Variants in CAPN5 observed in about 807,000 individuals in gnomAD.
CAPN5 encodes the protein calpain 5.
A neutral mutation model predicts 73.0 loss-of-function variants in CAPN5; 54 were observed. The ratio of observed to expected loss-of-function variants is 0.74; its 90% CI spans 0.59 to 0.93. CAPN5 has a LOEUF of 0.93. Ranked by LOEUF, CAPN5 falls within the 40% of genes least tolerant of loss-of-function variation. The probability of loss-of-function intolerance (pLI) is 0.00; values close to 1 mark genes in which losing one functional copy is unlikely to be tolerated. For missense variants in CAPN5, 785 were observed against 882.9 expected, an observed-to-expected ratio of 0.89 and a Z score of 1.41; for synonymous variants, 335 against 356.9, an observed-to-expected ratio of 0.94 and a Z score of 0.69.
intron 2 of CAPN5, among the ~76,000 whole-genome samples, chr11:77,089,230 G>A (rs1488933407): frequency 2.6e-5 from 4 of 152,132 alleles, no homozygotes; most frequent in Admixed American, 6.5e-5. Context: ...GGACCATTTC[G>A]GAGGCAGTGT....
chr11:77,101,920 G>A (rs1251870882), intron 3 of CAPN5, among the ~76,000 whole-genome samples: 1 of 152,230 alleles, frequency 6.6e-6, no homozygotes, highest in Admixed American at 6.5e-5. Context: ...GGAGTAAGTG[G>A]TGGGATTTGG....
At chr11:77,077,707 G>A (rs180933302) in intron 1 of CAPN5, among the ~76,000 whole-genome samples, 7 of 152,120 alleles carry the variant, frequency 4.6e-5, no homozygotes, top group African/African-American at 7.2e-5. Context: ...TAGAGATGGG[G>A]TTTCGCCATG....
At chr11:77,112,504 C>T in intron 3 of CAPN5, 85 bp from the exon 4 acceptor site, 1 of 1,065,280 alleles carries the variant, frequency 9.4e-7, no homozygotes, top group Non-Finnish European at 1.4e-6. Context: ...TTCCGATTCG[C>T]TGGAAGCACA....
chr11:77,110,518 T>C (rs782449785), intron 3 of CAPN5, among the ~76,000 whole-genome samples: 2 of 152,250 alleles, frequency 1.3e-5, no homozygotes, highest in African/African-American at 2.4e-5. Context: ...TTCCAGACAG[T>C]GAGGTTGGGA....
At chr11:77,097,480 T>G (rs868971117) in intron 3 of CAPN5, among the ~76,000 whole-genome samples, 1 of 144,732 alleles carries the variant, frequency 6.9e-6, no homozygotes, top group Admixed American at 6.8e-5. Flanking sequence ...TTTTTTTTTT[T>G]TTTTTTTTTA....
chr11:77,089,032 G>A (rs1950121773), intron 2 of CAPN5, among the ~76,000 whole-genome samples: 1 of 152,176 alleles, frequency 6.6e-6, no homozygotes, highest in African/African-American at 2.4e-5. Context: ...CCCTCCCAGG[G>A]ACCTGTCTGT....
In CAPN5 at chr11:77,093,530, C is replaced by T. The variant is rs1950173699; in HGVS notation, c.166-152C>T. The stretch of plus-strand genomic sequence containing the variant: ...GGGGAGCAGATGGGCCCTATGGGGC[C>T]CCAAGTCTGTGGTGGGAGGCAGGTG... On this transcript the variant is annotated intron_variant, in intron 2 of 12. Transcript: ENST00000648180. The T allele has an allele frequency of 6.9e-6, 9 of 1,296,452 alleles. No homozygotes were observed. The Admixed American group carries it at 9.5e-5, about 14-fold the overall frequency. The allele number at this position is 1,296,452 out of a possible 1,614,324, so 80.3% of individuals were successfully genotyped here. A position where few individuals can be genotyped will look rare whatever the true frequency, so the allele number is the denominator to read the frequency against.
chr11:77,116,094 C>T (rs1555041707), intron 6 of CAPN5, 132 bp from the exon 7 acceptor site: 1 of 783,702 alleles, frequency 1.3e-6, no homozygotes, highest in African/African-American at 1.7e-5. Context: ...GCCTCAGTGC[C>T]CCTGGCCACA....
At chr11:77,089,806 G>A (rs1232295367) in intron 2 of CAPN5, among the ~76,000 whole-genome samples, 1 of 152,160 alleles carries the variant, frequency 6.6e-6, no homozygotes, top group Admixed American at 6.5e-5. Flanking sequence ...CCCAGGAGGC[G>A]AAGGTTGCAG....
chr11:77,108,388 A>G (rs1194670474), intron 3 of CAPN5, among the ~76,000 whole-genome samples: 2 of 152,094 alleles, frequency 1.3e-5, no homozygotes, highest in African/African-American at 4.8e-5. Context: ...GAGACAAGGG[A>G]AGGAGGCAGA....
At chr11:77,085,389 A>C (rs1950075137) in intron 2 of CAPN5, among the ~76,000 whole-genome samples, 1 of 152,188 alleles carries the variant, frequency 6.6e-6, no homozygotes, top group Non-Finnish European at 1.5e-5. Context: ...TTTTTGATAA[A>C]ATGTAGATTG....
chr11:77,069,710 C>T (rs868940613), intron 1 of CAPN5, among the ~76,000 whole-genome samples: 1 of 152,186 alleles, frequency 6.6e-6, no homozygotes, highest in Non-Finnish European at 1.5e-5. Context: ...GCTTTTCACC[C>T]GTTCTGTCTC....
At chr11:77,112,856 G>T (rs868950428) in intron 4 of CAPN5, 59 bp downstream of exon 4, 1 of 1,493,664 alleles carries the variant, frequency 6.7e-7, no homozygotes, top group Non-Finnish European at 9.3e-7. Context: ...CACCGGATGG[G>T]CTCCTCGTGG....
chr11:77,071,822 G>T, intron 1 of CAPN5: 1 of 316,608 alleles, frequency 3.2e-6, no homozygotes, highest in South Asian at 2.4e-5. Context: ...AGTGGGCCTG[G>T]AAGTGCTGCT....
intron 12 of CAPN5, 75 bp from the exon 13 acceptor site, chr11:77,123,611 ACC>A: frequency 7.9e-7 from 1 of 1,273,058 alleles, no homozygotes; most frequent in East Asian, 2.3e-5. Flanking sequence ...TGCCACCACC[ACC>A]AGCACCCCCC....
At chr11:77,094,354 C>A (rs1006502157) in intron 3 of CAPN5, among the ~76,000 whole-genome samples, 2 of 151,458 alleles carry the variant, frequency 1.3e-5, no homozygotes, top group African/African-American at 4.8e-5. Context: ...GTCCTGCAAC[C>A]CAACCTCCTA....
intron 2 of CAPN5, among the ~76,000 whole-genome samples, chr11:77,093,094 A>G (rs782186169): frequency 1.3e-5 from 2 of 152,248 alleles, no homozygotes; most frequent in Admixed American, 6.5e-5. Context: ...CGCCCATACA[A>G]TGGAATGACA....
At chr11:77,121,880 C>T in intron 10 of CAPN5, 54 bp from the exon 11 acceptor site, 12 of 967,144 alleles carry the variant, frequency 1.2e-5, no homozygotes, top group Non-Finnish European at 1.7e-5. Context: ...CTCTTCACCC[C>T]TGTCTTCCTG....
chr11:77,072,542 AG>A (rs1949919401), intron 1 of CAPN5, among the ~76,000 whole-genome samples: 1 of 152,124 alleles, frequency 6.6e-6, no homozygotes, highest in Non-Finnish European at 1.5e-5. Context: ...TGCCCGAGGG[AG>A]GGGTGGTGGG....
Sources: gnomAD v4.1 joint callset for allele counts (sites outside exome capture counted in the v4.1 genomes callset) on GRCh38, gnomAD v4.1.1 for gene constraint, MANE v1.5 for transcripts, NCBI Gene and HGNC (gene_info 2026-07-23, HGNC 2026-07-21) for gene names.